The following TET2 variants were observed in gnomAD, a reference collection of about 807,000 sequenced individuals.
TET2 encodes methylcytosine dioxygenase TET2.
Under a neutral mutation model 142.9 loss-of-function variants are expected in TET2, and 299 were observed. The ratio of observed to expected loss-of-function variants is 2.09; its 90% confidence interval spans 1.90 to 2.30. TET2 has a LOEUF of 2.30. Among genes scored for constraint, TET2 ranks in the 30% most tolerant of loss-of-function variants. The pLI, the probability that TET2 is intolerant of heterozygous loss-of-function variation, is 0.00. For synonymous variants in TET2, 819 were observed against 849.0 expected, an observed-to-expected ratio of 0.96 and a Z score of 0.61; for missense variants, 2,418 against 2,378.0, an observed-to-expected ratio of 1.02 and a Z score of -0.35.
intron 1 of TET2, among the ~76,000 whole-genome samples, chr4:105,170,430 G>A (rs1487501945): frequency 1.3e-5 from 2 of 152,146 alleles, no homozygotes; most frequent in Non-Finnish European, 2.9e-5. Context: ...GGGTTGTAGT[G>A]CACTATGATT....
Position 105,243,740 on chromosome 4 carries a change from C to G in TET2, c.3765C>G (p.Tyr1255Ter), listed in dbSNP as rs1352258641. ...AGCTTACCGAGACGCTGAGGAAATA[C>G]GGCACGCTCACCAATCGCCGGTGTG... Reference protein sequence around the residue: ...YSELTETLRKYGTLTNRRCAL... With the variant: ...YSELTETLRK Residue 1255 changes from tyrosine (Y) to a stop codon, truncating the protein, a stop_gained, in exon 6 of 11, where the codon TAC (tyrosine) becomes TAG (stop). Coordinates refer to ENST00000380013, the MANE Select transcript of TET2 (RefSeq NM_001127208.3). LOFTEE classifies it high-confidence loss of function. The G allele has an allele frequency of 1.3e-6, 2 of 1,551,546 alleles. No individual in the cohort carries two copies. Among genetic ancestry groups the G allele is most frequent in the Non-Finnish European group, 1.7e-6 (2 of 1,146,936 alleles).
rs564179157 is a variant in TET2 at position 105,161,307 on chromosome 4, G to A, written c.-193+14328G>A. Among the ~76,000 whole-genome samples the A allele has an allele frequency of 6.1e-4, 93 of 152,240 alleles. 1 individual carries two copies. Among genetic ancestry groups the A allele is most frequent in the Admixed American group, 4.8e-3 (73 of 15,288 alleles). Reference sequence around the variant, plus strand: ...GATATGAAAAGATATTACTTCTTTAGTGTTTATTACTTATAATTTATTGTA... The same window carrying A: ...GATATGAAAAGATATTACTTCTTTAATGTTTATTACTTATAATTTATTGTA... On this transcript the variant is annotated intron_variant, in intron 1 of 10. Transcript: ENST00000380013.
intron 8 of TET2, 41 bp downstream of exon 8, chr4:105,261,889 C>G: frequency 1.7e-6 from 2 of 1,176,222 alleles, no homozygotes; most frequent in Non-Finnish European, 2.4e-6. Flanking sequence ...TAACAACTTA[C>G]TTGTTACTAA....
At chr4:105,177,322 T>C (rs1724857494) in intron 1 of TET2, among the ~76,000 whole-genome samples, 1 of 152,160 alleles carries the variant, frequency 6.6e-6, no homozygotes, top group Admixed American at 6.5e-5. Flanking sequence ...TGAAAGACAA[T>C]ATTAAGAGAA....
chr4:105,185,536 T>C (rs944880123), intron 1 of TET2, among the ~76,000 whole-genome samples: 1 of 152,136 alleles, frequency 6.6e-6, no homozygotes, highest in South Asian at 2.1e-4. Context: ...ATCCCAGCAC[T>C]TTCGGAGGCC....
At chr4:105,178,339 GA>G (rs1321191202) in intron 1 of TET2, among the ~76,000 whole-genome samples, 1 of 152,168 alleles carries the variant, frequency 6.6e-6, no homozygotes, top group African/African-American at 2.4e-5. Flanking sequence ...AAGCTAATCC[GA>G]AAAGGCTAAA....
At chr4:105,155,843 A>T (rs1303864678) in intron 1 of TET2, among the ~76,000 whole-genome samples, 1 of 152,152 alleles carries the variant, frequency 6.6e-6, no homozygotes, top group Non-Finnish European at 1.5e-5. Context: ...TAACTATAGA[A>T]TTTTACTTTT....
At chr4:105,207,873 G>T (rs916064469) in intron 2 of TET2, among the ~76,000 whole-genome samples, 1 of 152,098 alleles carries the variant, frequency 6.6e-6, no homozygotes, top group Non-Finnish European at 1.5e-5. Flanking sequence ...AACATCCATG[G>T]TTTCTTCTTA....
intron 2 of TET2, among the ~76,000 whole-genome samples, chr4:105,194,177 G>T (rs920953494): frequency 8.5e-5 from 13 of 152,240 alleles, no homozygotes; most frequent in African/African-American, 2.9e-4. Flanking sequence ...TGCTTGTGGA[G>T]AATAGGATTA....
intron 6 of TET2, among the ~76,000 whole-genome samples, chr4:105,255,362 G>T (rs1247156652): frequency 6.6e-6 from 1 of 152,074 alleles, no homozygotes; most frequent in African/African-American, 2.4e-5. Flanking sequence ...CACAATTTTT[G>T]CAGTGTTACA....
chr4:105,261,102 T>C lies in TET2; in HGVS notation c.3955-657T>C, dbSNP rs1196434764. 2.0e-5 allele frequency among the ~76,000 whole-genome samples: 3 copies of C among 151,970 alleles called. No homozygotes were observed. The East Asian group carries it at 5.8e-4, about 29-fold the overall frequency. On this transcript the variant is annotated intron_variant, in intron 7 of 10. Transcript: ENST00000380013. ...TTTTTAGAGAAATATCAATCTGAAATGAAGACTTCTAAGTATAAATGGAGC... is the reference window on the plus strand; with the variant it reads ...TTTTTAGAGAAATATCAATCTGAAACGAAGACTTCTAAGTATAAATGGAGC...
chr4:105,156,758 T>TAAA (rs373761340), intron 1 of TET2, among the ~76,000 whole-genome samples: 301 of 152,326 alleles, frequency 2.0e-3, no homozygotes, highest in African/African-American at 7.0e-3. Flanking sequence ...GGGCACCCAT[T>TAAA]AAATACCATA....
chr4:105,205,847 C>T (rs1909122), intron 2 of TET2, among the ~76,000 whole-genome samples: 104,247 of 151,874 alleles, frequency 0.69, 36,582 homozygotes, highest in African/African-American at 0.84. Context: ...TTGGTCAGGC[C>T]GGTCTCAAAC....
At chr4:105,170,124 T>C (rs1714957057) in intron 1 of TET2, among the ~76,000 whole-genome samples, 1 of 152,180 alleles carries the variant, frequency 6.6e-6, no homozygotes, top group Non-Finnish European at 1.5e-5. Context: ...ATGATGGTGG[T>C]ATTTTGATGG....
At chr4:105,227,811 TAAAA>T (rs531939568) in intron 2 of TET2, among the ~76,000 whole-genome samples, 1 of 152,088 alleles carries the variant, frequency 6.6e-6, no homozygotes, top group Non-Finnish European at 1.5e-5. Context: ...TTTAAATTCA[TAAAA>T]AAAATTCATT....
chr4:105,182,324 C>G (rs1725167288), intron 1 of TET2, among the ~76,000 whole-genome samples: 1 of 152,128 alleles, frequency 6.6e-6, no homozygotes, highest in Admixed American at 6.5e-5. Flanking sequence ...CCATTACTCC[C>G]TGGGTCTACC....
chr4:105,194,908 T>C (rs1474265741), intron 2 of TET2, among the ~76,000 whole-genome samples: 17 of 152,168 alleles, frequency 1.1e-4, no homozygotes, highest in Non-Finnish European at 1.0e-4. Flanking sequence ...ACCACTCTTA[T>C]ACATGGTGTC....
chr4:105,241,050 C>T (rs1197227198), intron 3 of TET2: 33 of 1,058,884 alleles, frequency 3.1e-5, no homozygotes, highest in Non-Finnish European at 3.8e-5. Flanking sequence ...CATTCTAATT[C>T]CCTCACTGTA....
chr4:105,194,492 A>G (rs1725966141), intron 2 of TET2, among the ~76,000 whole-genome samples: 1 of 152,152 alleles, frequency 6.6e-6, no homozygotes, highest in Non-Finnish European at 1.5e-5. Flanking sequence ...CAGGAAATAA[A>G]TCACACTCTT....
Sources: allele counts gnomAD v4.1 joint callset (sites outside exome capture counted in the v4.1 genomes callset), GRCh38; gene constraint gnomAD v4.1.1; transcripts MANE v1.5; gene names NCBI Gene and HGNC (gene_info 2026-07-23, HGNC 2026-07-21).